The following PEX5L variants were observed in gnomAD, a reference collection of about 807,000 sequenced individuals.
The protein encoded by PEX5L is PEX5-related protein.
PEX5L carries 30 observed loss-of-function variants against 84.0 expected under a neutral mutation model. The ratio of observed to expected loss-of-function variants is 0.36; its 90% CI spans 0.27 to 0.48. The LOEUF (loss-of-function observed/expected upper bound fraction) is 0.48, where lower values mean the gene tolerates loss of function less well. Ranked by LOEUF, PEX5L falls within the 20% of genes least tolerant of loss-of-function variation. The probability of loss-of-function intolerance (pLI) is 0.99; values close to 1 mark genes in which losing one functional copy is unlikely to be tolerated. For synonymous variants in PEX5L, 270 were observed against 283.1 expected, an observed-to-expected ratio of 0.95 and a Z score of 0.46; for missense variants, 533 against 754.6, an observed-to-expected ratio of 0.71 and a Z score of 3.44.
chr3:179,973,084 A>G, intron 1 of PEX5L: 1 of 843,132 alleles, frequency 1.2e-6, no homozygotes, highest in Non-Finnish European at 1.5e-6. Flanking sequence ...ACTGGTTGCC[A>G]TAAGATTTTG....
intron 2 of PEX5L, chr3:179,921,846 G>C (rs765498817): frequency 5.9e-5 from 9 of 152,164 alleles, no homozygotes; most frequent in Non-Finnish European, 1.2e-4. Context: ...AGCTGGATTG[G>C]AATCACAAGA....
chr3:179,859,980 T>C (rs1326333664), intron 7 of PEX5L, among the ~76,000 whole-genome samples: 1 of 152,230 alleles, frequency 6.6e-6, no homozygotes, highest in Non-Finnish European at 1.5e-5. Context: ...CCTTTTTCTC[T>C]GCAGTTACAT....
intron 4 of PEX5L, among the ~76,000 whole-genome samples, chr3:179,883,631 A>T (rs1331487412): frequency 6.6e-6 from 1 of 152,154 alleles, no homozygotes; most frequent in Non-Finnish European, 1.5e-5. Flanking sequence ...TAAAAATACA[A>T]AATTAGCCGG....
At chr3:179,890,377 G>T (rs1757245769) in intron 3 of PEX5L, among the ~76,000 whole-genome samples, 1 of 152,176 alleles carries the variant, frequency 6.6e-6, no homozygotes, top group South Asian at 2.1e-4. Flanking sequence ...TGGCCTCTGG[G>T]TCTAGGTCTT....
chr3:180,019,837 T>C (rs1214709255), intron 1 of PEX5L, among the ~76,000 whole-genome samples: 5 of 152,218 alleles, frequency 3.3e-5, no homozygotes, highest in African/African-American at 1.2e-4. Context: ...CTTTATCAAC[T>C]GGATAATGTC....
At chr3:179,954,865 C>A (rs576539485) in intron 2 of PEX5L, among the ~76,000 whole-genome samples, 9 of 152,032 alleles carry the variant, frequency 5.9e-5, no homozygotes, top group African/African-American at 2.2e-4. Context: ...AGTAGGTGCT[C>A]AACAACGTGA....
intron 5 of PEX5L, among the ~76,000 whole-genome samples, chr3:179,875,833 A>C (rs554658724): frequency 1.3e-5 from 2 of 152,244 alleles, no homozygotes; most frequent in South Asian, 4.2e-4. Flanking sequence ...TCTGGTGTAG[A>C]ATGTACATCT....
At chr3:179,896,418 T>G (rs989546521) in intron 3 of PEX5L, among the ~76,000 whole-genome samples, 4 of 152,040 alleles carry the variant, frequency 2.6e-5, no homozygotes, top group Admixed American at 2.0e-4. Flanking sequence ...TAATGCAACA[T>G]TAGACAGGGA....
chr3:179,886,264 C>T (rs1455897850), intron 4 of PEX5L, among the ~76,000 whole-genome samples: 1 of 152,174 alleles, frequency 6.6e-6, no homozygotes, highest in African/African-American at 2.4e-5. Flanking sequence ...GCTCTTGTTT[C>T]ACGGATCAGA....
intron 8 of PEX5L, among the ~76,000 whole-genome samples, chr3:179,834,380 T>C (rs767247619): frequency 6.6e-6 from 1 of 152,346 alleles, no homozygotes; most frequent in African/African-American, 2.4e-5. Flanking sequence ...CCTGCAGGAA[T>C]CTCTGAGGGA....
chr3:179,931,242 A>G (rs113641738), intron 2 of PEX5L, among the ~76,000 whole-genome samples: 3,788 of 152,314 alleles, frequency 0.025, 156 homozygotes, highest in African/African-American at 0.087. Flanking sequence ...ACCTCTGTCA[A>G]TAACGGACCT....
At chr3:180,026,271 C>T (rs2080545832) in intron 1 of PEX5L, among the ~76,000 whole-genome samples, 1 of 151,668 alleles carries the variant, frequency 6.6e-6, no homozygotes, top group Admixed American at 6.6e-5. Flanking sequence ...ACCTTTATAC[C>T]TCCAAGATTC....
At chr3:179,874,148 T>TAG (rs1491544560) in intron 7 of PEX5L, among the ~76,000 whole-genome samples, 179 bp downstream of exon 7, 1 of 149,256 alleles carries the variant, frequency 6.7e-6, no homozygotes, top group East Asian at 1.9e-4. Flanking sequence ...TATATATATA[T>TAG]ACACACACAC....
chr3:180,011,562 G>C (rs574383171), intron 1 of PEX5L, among the ~76,000 whole-genome samples: 38 of 152,212 alleles, frequency 2.5e-4, no homozygotes, highest in Non-Finnish European at 5.0e-4. Flanking sequence ...TACCATTATA[G>C]AAAAAATTTA....
At position 179,808,293 on chromosome 3, in the gene PEX5L, A is replaced by G; in HGVS notation, c.1497T>C (p.Ala499=). 6.3e-7 allele frequency: 1 copy of G among 1,591,656 alleles called. No individual in the cohort carries two copies. The highest frequency in any genetic ancestry group is 8.5e-7 in the Non-Finnish European group (1 of 1,171,414). The change falls in exon 13 of 15, where the codon GCT becomes GCC. Residue 499 remains alanine, a synonymous_variant. Transcript: ENST00000467460. ...TTACCTCTGGCCGAACAGTTAAGGC[A>G]GCGTTAAATGCATCTATTGCTCTAT... ...EFNRAIDAFN[A]ALTVRPEDYS...
intron 1 of PEX5L, among the ~76,000 whole-genome samples, chr3:180,017,777 C>T (rs1415599139): frequency 1.3e-5 from 2 of 151,906 alleles, no homozygotes. Context: ...AGATAAGATG[C>T]TAAAAAATAT....
chr3:179,932,589 GAT>G (rs1773402388), intron 2 of PEX5L, among the ~76,000 whole-genome samples: 1 of 152,152 alleles, frequency 6.6e-6, no homozygotes, highest in African/African-American at 2.4e-5. Flanking sequence ...AGCCACAAGA[GAT>G]AGGATTTCAA....
At chr3:180,002,092 T>A (rs1442566536) in intron 1 of PEX5L, among the ~76,000 whole-genome samples, 1 of 152,184 alleles carries the variant, frequency 6.6e-6, no homozygotes, top group East Asian at 1.9e-4. Flanking sequence ...AATGCCTGCA[T>A]GTTATTCTAG....
At position 179,874,360 on chromosome 3, in the gene PEX5L, C is replaced by T. The variant is rs755400590; in HGVS notation, c.693G>A (p.Ser231=). 3.5e-5 allele frequency: 57 copies of T among 1,612,194 alleles called. No individual in the cohort carries two copies. Among genetic ancestry groups the T allele is most frequent in the East Asian group, 1.6e-4 (7 of 44,770 alleles). The change falls in exon 7 of 15, where the codon TCG becomes TCA. Residue 231 remains serine (S), a synonymous_variant. Transcript: ENST00000467460. The part of the protein sequence containing the change: ...SGGKSALNSE[S]ASELELVAPT... ...GAGCCACTAATTCCAATTCTGAAGCCGACTCAGAGTTGAGGGCGCTTTTTC... is the reference window on the plus strand; with the variant it reads ...GAGCCACTAATTCCAATTCTGAAGCTGACTCAGAGTTGAGGGCGCTTTTTC...
Sources: gnomAD v4.1 joint callset for allele counts (sites outside exome capture counted in the v4.1 genomes callset) on GRCh38, gnomAD v4.1.1 for gene constraint, MANE v1.5 for transcripts, NCBI Gene and HGNC (gene_info 2026-07-23, HGNC 2026-07-21) for gene names.